Variants in SLAMF8 observed in about 807,000 individuals in gnomAD.
The protein encoded by SLAMF8 is SLAM family member 8.
In SLAMF8, 23 loss-of-function variants were observed where a neutral mutation model predicts 29.0. The observed-to-expected ratio is 0.79, with a 90% CI of 0.57 to 1.13. The LOEUF (loss-of-function observed/expected upper bound fraction) is 1.13, where lower values mean the gene tolerates loss of function less well. Among genes scored for constraint, SLAMF8 ranks in the 50% most tolerant of loss-of-function variants. SLAMF8 has a pLI of 0.00. For missense variants in SLAMF8, 381 were observed against 353.1 expected (o/e 1.08, Z -0.63); for synonymous variants, 139 against 145.6 (o/e 0.96, Z 0.32).
In SLAMF8 at chr1:159,831,147, G is replaced by T. The variant is rs575514989; in HGVS notation, c.367+955G>T. Reference sequence around the variant, plus strand: ...TTTATCTACCTAATGGGCTAGAAAAGAGGCATGGGTGACCCTAAATCACTG... The same window carrying T: ...TTTATCTACCTAATGGGCTAGAAAATAGGCATGGGTGACCCTAAATCACTG... On this transcript the variant is annotated intron_variant, in intron 2 of 4. Transcript: ENST00000289707. 1.2e-3 allele frequency among the ~76,000 whole-genome samples: 180 copies of T among 152,304 alleles called. 1 individual carries two copies. The highest frequency in any genetic ancestry group is 2.0e-3 in the Non-Finnish European group (135 of 68,028).
chr1:159,829,315 T>C (rs949670040), intron 1 of SLAMF8, among the ~76,000 whole-genome samples: 2 of 152,160 alleles, frequency 1.3e-5, no homozygotes, highest in African/African-American at 4.8e-5. Context: ...CAGTATTGCT[T>C]TCAGGTCTCT....
intron 1 of SLAMF8, 76 bp from the exon 2 acceptor site, chr1:159,829,790 A>T (rs1197687679): frequency 6.8e-7 from 1 of 1,476,842 alleles, no homozygotes; most frequent in African/African-American, 1.6e-5. Flanking sequence ...AATTCACCCT[A>T]TAGCAGCTCA....
At chr1:159,828,729 A>C (rs1038903831) in intron 1 of SLAMF8, among the ~76,000 whole-genome samples, 18 of 152,176 alleles carry the variant, frequency 1.2e-4, no homozygotes, top group African/African-American at 4.1e-4. Context: ...GGCCACTGTG[A>C]GAACACAAGA....
chr1:159,836,408 A>C lies in SLAMF8; in HGVS notation c.*1148A>C. 1 of 985,456 alleles carries C rather than the reference A, an allele frequency of 1.0e-6. No individual in the cohort carries two copies. Among genetic ancestry groups the C allele is most frequent in the Non-Finnish European group, 1.2e-6 (1 of 829,942 alleles). 61.0% of individuals were successfully genotyped at this position (985,456 alleles called of 1,614,324 possible). The stretch of plus-strand genomic sequence containing the variant: ...GCCCCTGAATGATTCTGTCTAGAAA[A>C]GCTCTGGAGTATTGATCACTACTGG... On this transcript the variant is annotated 3_prime_UTR_variant, in exon 5 of 5. Coordinates refer to ENST00000289707, the MANE Select transcript of SLAMF8 (RefSeq NM_020125.3).
intron 2 of SLAMF8, 111 bp from the exon 3 acceptor site, chr1:159,832,765 A>G (rs1203867095): frequency 3.3e-6 from 4 of 1,228,428 alleles, no homozygotes; most frequent in South Asian, 1.5e-5. Context: ...TTTTGGAACA[A>G]GAGAGGCCTA....
At chr1:159,830,237 A>T (rs1029011918) in intron 2 of SLAMF8, 45 bp downstream of exon 2, 1 of 1,519,572 alleles carries the variant, frequency 6.6e-7, no homozygotes, top group Non-Finnish European at 8.8e-7. Context: ...TCCCCCACAA[A>T]GCACCAGACG....
chr1:159,828,899 C>T (rs1647257299), intron 1 of SLAMF8, among the ~76,000 whole-genome samples: 1 of 152,118 alleles, frequency 6.6e-6, no homozygotes, highest in Admixed American at 6.5e-5. Context: ...CAAATATAGT[C>T]CCCCAAAACA....
At chr1:159,827,677 G>A (rs1467193210) in intron 1 of SLAMF8, among the ~76,000 whole-genome samples, 2 of 152,164 alleles carry the variant, frequency 1.3e-5, no homozygotes, top group African/African-American at 4.8e-5. Context: ...GAGGCTCATA[G>A]GGACTTTGGG....
intron 1 of SLAMF8, among the ~76,000 whole-genome samples, chr1:159,827,737 AG>A (rs1432062593): frequency 6.6e-6 from 1 of 152,196 alleles, no homozygotes; most frequent in Non-Finnish European, 1.5e-5. Flanking sequence ...AGAGCTCCAA[AG>A]CCTGCAGATT....
chr1:159,826,984 C>CCTCCCCAG lies in SLAMF8; in HGVS notation c.40+49_40+56dup, dbSNP rs1557885783. 3.7e-6 allele frequency: 6 copies of CCTCCCCAG among 1,611,490 alleles called. No homozygotes were observed. The African/African-American group carries it at 6.7e-5, about 18-fold the overall frequency. The stretch of plus-strand genomic sequence containing the variant: ...GCCTGTCCTCGGAGAGCTGAAGGCC[C>CCTCCCCAG]CTCCCCAGCTGCCTATGCCAGACGT... On this transcript the variant is annotated intron_variant, in intron 1 of 4. Transcript: ENST00000289707.
Position 159,829,946 on chromosome 1 carries a change from C to G in SLAMF8, c.121C>G (p.Pro41Ala). 1 of 1,614,280 alleles carries G rather than the reference C, an allele frequency of 6.2e-7. No homozygotes were observed. The highest frequency in any genetic ancestry group is 8.5e-7 in the Non-Finnish European group (1 of 1,180,048). ...GGTGCTGCTGGTGGCAGCGCGTCCC[C>G]CTGGCTTCCAAGTCCGTGAGGCTAT... The part of the protein sequence containing the change: ...GSVLLVAARP[P>A]GFQVREAIWR... The change falls in exon 2 of 5, where the codon CCT becomes GCT. Residue 41 changes from proline (P) to alanine (A), a missense_variant. Transcript: ENST00000289707.
At position 159,833,071 on chromosome 1, in the gene SLAMF8, TTTCC is replaced by T; in HGVS notation, c.564_567del (p.Ser189TrpfsTer56). ...TTCACAGACGGACAGGTGCTGAGCA[TTTCC>T]CTGGGACCAGGAGACAGAGATGTGG... is the stretch of plus-strand genomic sequence containing the variant. On this transcript the variant is annotated frameshift_variant, in exon 3 of 5. Coordinates refer to ENST00000289707, the MANE Select transcript of SLAMF8 (RefSeq NM_020125.3). LOFTEE classifies it high-confidence loss of function. 1 of 1,614,222 alleles carries T rather than the reference TTTCC, an allele frequency of 6.2e-7. No homozygotes were observed. Among genetic ancestry groups the T allele is most frequent in the Non-Finnish European group, 8.5e-7 (1 of 1,180,048 alleles).
rs116438305 is a variant in SLAMF8 at position 159,833,320 on chromosome 1, C to T, written c.732C>T (p.Leu244=). The T allele has an allele frequency of 8.5e-5, 138 of 1,614,164 alleles. No homozygotes were observed. In the African/African-American group the frequency reaches 1.7e-3, roughly 20 times the overall value. ...VLLVVVPVSL[L]LMLVTLFSAW... is the part of the protein sequence containing the mutation. ...TGGTGGTGGTGCCTGTCTCGCTGCTCCTGATGCTGGTTACTCTCTTCTCTG... is the reference window on the plus strand; with the variant it reads ...TGGTGGTGGTGCCTGTCTCGCTGCTTCTGATGCTGGTTACTCTCTTCTCTG... The change falls in exon 4 of 5, where the codon CTC becomes CTT. Residue 244 remains leucine, a synonymous_variant. Transcript: ENST00000289707.
At position 159,830,011 on chromosome 1, in the gene SLAMF8, G is replaced by T; in HGVS notation, c.186G>T (p.Thr62=). 1.2e-6 allele frequency: 2 copies of T among 1,614,218 alleles called. No homozygotes were observed. The highest frequency in any genetic ancestry group is 1.7e-6 in the Non-Finnish European group (2 of 1,180,040). ...GGCCTTCAGAAGAGCTCCTGGCCAC[G>T]TTTTTCCGAGGCTCCCTGGAGACTC... ...SLWPSEELLA[T]FFRGSLETLY... The change falls in exon 2 of 5, where the codon ACG becomes ACT. Residue 62 remains threonine, a synonymous_variant. Transcript: ENST00000289707.
At position 159,835,561 on chromosome 1, in the gene SLAMF8, G is replaced by A; in HGVS notation, c.*301G>A. ...GAAGTTCTCCAGGATCCAGATCCAT[G>A]GGGACATTAATAGTCCAAGGCATTC... On this transcript the variant is annotated 3_prime_UTR_variant, in exon 5 of 5. Coordinates refer to ENST00000289707, the MANE Select transcript of SLAMF8 (RefSeq NM_020125.3). 1 of 1,152,868 alleles carries A rather than the reference G, an allele frequency of 8.7e-7. No individual in the cohort carries two copies. The highest frequency in any genetic ancestry group is 1.1e-6 in the Non-Finnish European group (1 of 935,728). The allele number at this position is 1,152,868 out of a possible 1,614,324, so 71.4% of individuals were successfully genotyped here. A position where few individuals can be genotyped will look rare whatever the true frequency, so the allele number is the denominator to read the frequency against.
At chr1:159,828,867 C>T (rs189029849) in intron 1 of SLAMF8, among the ~76,000 whole-genome samples, 52 of 152,204 alleles carry the variant, frequency 3.4e-4, no homozygotes, top group Admixed American at 2.8e-3. Flanking sequence ...CAAGGAGAAG[C>T]GTCTCCCATA....
chr1:159,833,910 C>T (rs1441311904), intron 4 of SLAMF8, among the ~76,000 whole-genome samples: 1 of 152,172 alleles, frequency 6.6e-6, no homozygotes, highest in Non-Finnish European at 1.5e-5. Flanking sequence ...CTGGTATCGA[C>T]AAACATTGTT....
intron 3 of SLAMF8, 35 bp downstream of exon 3, chr1:159,833,216 T>C: frequency 1.2e-6 from 2 of 1,614,136 alleles, no homozygotes; most frequent in Non-Finnish European, 1.7e-6. Context: ...GGTTGAGGGC[T>C]TATGAAGCAT....
Position 159,835,857 on chromosome 1 carries a change from G to T in SLAMF8, c.*597G>T, listed in dbSNP as rs1024980425. Reference sequence around the variant, plus strand: ...CTCTTTCTGGCCTAAGGACTTTCAGGTAATCAGAGTTCATGGGCCCTCAAA... The same window carrying T: ...CTCTTTCTGGCCTAAGGACTTTCAGTTAATCAGAGTTCATGGGCCCTCAAA... On this transcript the variant is annotated 3_prime_UTR_variant, in exon 5 of 5. Transcript: ENST00000289707. 2.0e-6 allele frequency: 2 copies of T among 985,342 alleles called. No individual in the cohort carries two copies. The highest frequency in any genetic ancestry group is 2.4e-6 in the Non-Finnish European group (2 of 829,982). The allele number at this position is 985,342 out of a possible 1,614,324, so 61.0% of individuals were successfully genotyped here. A position where few individuals can be genotyped will look rare whatever the true frequency, so the allele number is the denominator to read the frequency against.
Sources: allele counts gnomAD v4.1 joint callset (sites outside exome capture counted in the v4.1 genomes callset), GRCh38; gene constraint gnomAD v4.1.1; transcripts MANE v1.5; gene names NCBI Gene and HGNC (gene_info 2026-07-23, HGNC 2026-07-21).